Variants in MIA3 observed in about 807,000 individuals in gnomAD.
The protein encoded by MIA3 is transport and Golgi organization protein 1 homolog.
MIA3 carries 90 observed loss-of-function variants against 192.4 expected under a neutral mutation model. The observed-to-expected ratio is 0.47, with a 90% confidence interval of 0.39 to 0.56. The LOEUF (loss-of-function observed/expected upper bound fraction) is 0.56. Among genes scored for constraint, MIA3 ranks in the 20% least tolerant of loss-of-function variants. The probability of loss-of-function intolerance (pLI) is 0.00; values close to 1 mark genes in which losing one functional copy is unlikely to be tolerated. For synonymous variants in MIA3, 740 were observed against 792.8 expected, an observed-to-expected ratio of 0.93 and a Z score of 1.12; for missense variants, 2,123 against 2,269.4, an observed-to-expected ratio of 0.94 and a Z score of 1.31.
Position 222,658,978 on chromosome 1 carries a change from T to C in MIA3, c.4709+155T>C, listed in dbSNP as rs1663872427. ...TTTTAAGTTAACAAATGGAAAAATA[T>C]TAACAAATACCCAGTGCTGGCAAAA... is the stretch of plus-strand genomic sequence containing the variant. On this transcript the variant is annotated intron_variant, in intron 19 of 27. Transcript: ENST00000344922. 5.8e-5 allele frequency: 33 copies of C among 566,590 alleles called. 1 individual carries two copies. In the South Asian group the frequency reaches 7.1e-4, roughly 12 times the overall value. The allele number at this position is 566,590 out of a possible 1,614,324, so 35.1% of individuals were successfully genotyped here. A position where few individuals can be genotyped will look rare whatever the true frequency, so the allele number is the denominator to read the frequency against.
chr1:222,657,188 T>C (rs1663777641), intron 18 of MIA3, among the ~76,000 whole-genome samples: 1 of 152,248 alleles, frequency 6.6e-6, no homozygotes, highest in African/African-American at 2.4e-5. Flanking sequence ...TTATTCCAGT[T>C]AGCAATTAAA....
At chr1:222,630,663 G>C (rs536486666) in intron 4 of MIA3, among the ~76,000 whole-genome samples, 34 of 152,294 alleles carry the variant, frequency 2.2e-4, no homozygotes, top group Non-Finnish European at 3.5e-4. Flanking sequence ...AAACCAGAAA[G>C]TAATATACAA....
At chr1:222,622,684 G>T (rs1422472293) in intron 2 of MIA3, among the ~76,000 whole-genome samples, 1 of 152,146 alleles carries the variant, frequency 6.6e-6, no homozygotes, top group Admixed American at 6.5e-5. Context: ...TTTACTCTTG[G>T]AAATGTTTTT....
rs73124836 is a variant in MIA3 at position 222,646,849 on chromosome 1, A to G, written c.3609+1164A>G. Among the ~76,000 whole-genome samples the G allele has an allele frequency of 4.7e-3, 717 of 152,356 alleles. 4 individuals are homozygous for G. The highest frequency in any genetic ancestry group is 0.016 in the African/African-American group (680 of 41,576). The stretch of plus-strand genomic sequence containing the variant: ...AGTGGGAAAATTGTTAAATTATTGT[A>G]TGTTCATATAATGGGATATTAGGCT... On this transcript the variant is annotated intron_variant, in intron 7 of 27. Coordinates refer to ENST00000344922, the MANE Select transcript of MIA3 (RefSeq NM_198551.4).
intron 6 of MIA3, among the ~76,000 whole-genome samples, chr1:222,633,765 AAAT>A (rs1662508623): frequency 6.6e-6 from 1 of 152,074 alleles, no homozygotes; most frequent in African/African-American, 2.4e-5. Context: ...CAGGCAGAAG[AAAT>A]AACACATTCA....
intron 6 of MIA3, among the ~76,000 whole-genome samples, chr1:222,639,036 G>C (rs1662747052): frequency 6.6e-6 from 1 of 152,156 alleles, no homozygotes; most frequent in Non-Finnish European, 1.5e-5. Context: ...GGAAAGAAGA[G>C]AGGGAATACA....
chr1:222,665,471 G>A lies in MIA3; in HGVS notation c.5576G>A (p.Arg1859Gln), dbSNP rs201316441. The A allele has an allele frequency of 3.7e-6, 6 of 1,613,728 alleles. No homozygotes were observed. The African/African-American group carries it at 4.0e-5, about 11-fold the overall frequency. Reference sequence around the variant, plus strand: ...AGAGAGTACTTTATTCCTGGTACCCGATTACCACCCCCAACCCATGGTCCC... The same window carrying A: ...AGAGAGTACTTTATTCCTGGTACCCAATTACCACCCCCAACCCATGGTCCC... ...GPREYFIPGT[R>Q]LPPPTHGPQE... The change falls in exon 28 of 28, where the codon CGA becomes CAA. Residue 1859 changes from arginine to glutamine, a missense_variant. Arg to Gln is a conservative substitution (Grantham distance 43, BLOSUM62 1). This residue lies in a region of MIA3 where 762 missense variants were observed against 856.4 expected (regional missense o/e 0.89). Transcript: ENST00000344922.
At chr1:222,664,358 C>G (rs949492625) in intron 27 of MIA3, among the ~76,000 whole-genome samples, 1 of 152,162 alleles carries the variant, frequency 6.6e-6, no homozygotes, top group African/African-American at 2.4e-5. Flanking sequence ...TCTAATAGAA[C>G]AAGGAAAGGG....
chr1:222,662,022 A>G (rs1376704650), intron 24 of MIA3, 34 bp from the exon 25 acceptor site: 7 of 1,563,000 alleles, frequency 4.5e-6, no homozygotes, highest in Non-Finnish European at 5.3e-6. Flanking sequence ...CTTCCAAAAA[A>G]TACATATAAG....
chr1:222,645,423 C>T (rs1663092454), intron 6 of MIA3, 131 bp from the exon 7 acceptor site: 1 of 711,232 alleles, frequency 1.4e-6, no homozygotes, highest in African/African-American at 1.8e-5. Context: ...GTGAGAGCTA[C>T]TGAAGATTTT....
intron 6 of MIA3, among the ~76,000 whole-genome samples, chr1:222,634,927 T>G (rs1013023582): frequency 6.6e-6 from 1 of 152,222 alleles, no homozygotes; most frequent in African/African-American, 2.4e-5. Flanking sequence ...CTCCAATTGT[T>G]GGTAAGAATT....
At chr1:222,655,781 C>A (rs1224630381) in intron 18 of MIA3, among the ~76,000 whole-genome samples, 1 of 152,070 alleles carries the variant, frequency 6.6e-6, no homozygotes, top group East Asian at 1.9e-4. Flanking sequence ...AACTGTTTTT[C>A]TTCGTGATAC....
chr1:222,647,932 T>C (rs1278942894), intron 7 of MIA3: 1 of 385,804 alleles, frequency 2.6e-6, no homozygotes, highest in Non-Finnish European at 5.4e-6. Context: ...TTAATTATTG[T>C]ATACAGTAAT....
intron 26 of MIA3, among the ~76,000 whole-genome samples, chr1:222,663,485 T>C (rs1664127686): frequency 6.6e-6 from 1 of 152,222 alleles, no homozygotes. Flanking sequence ...CCTGTGTTCC[T>C]GCATATTTAG....
chr1:222,631,152 C>T (rs1285645310), intron 4 of MIA3, among the ~76,000 whole-genome samples: 1 of 150,004 alleles, frequency 6.7e-6, no homozygotes, highest in Non-Finnish European at 1.5e-5. Flanking sequence ...GACAGGCTCT[C>T]ACCCTGTCAC....
At chr1:222,639,369 C>G (rs906598378) in intron 6 of MIA3, among the ~76,000 whole-genome samples, 1 of 152,106 alleles carries the variant, frequency 6.6e-6, no homozygotes, top group Admixed American at 6.5e-5. Flanking sequence ...GAAAATACTT[C>G]CCAGCTCATT....
chr1:222,652,073 G>A (rs34851033), intron 12 of MIA3, 25 bp downstream of exon 12: 55,104 of 1,393,888 alleles, frequency 0.04, 1,607 homozygotes, highest in East Asian at 0.12. Context: ...AATTCCTGCA[G>A]GATATTAATA....
intron 2 of MIA3, among the ~76,000 whole-genome samples, chr1:222,621,568 G>A (rs1661858990): frequency 6.6e-6 from 1 of 152,164 alleles, no homozygotes; most frequent in Non-Finnish European, 1.5e-5. Flanking sequence ...GAAATGGTAA[G>A]AGCTGAAAAA....
Position 222,627,866 on chromosome 1 carries a change from C to A in MIA3, c.646C>A (p.Gln216Lys). 1 of 1,613,998 alleles carries A rather than the reference C, an allele frequency of 6.2e-7. No homozygotes were observed. The highest frequency in any genetic ancestry group is 1.3e-5 in the African/African-American group (1 of 75,038). The change falls in exon 4 of 28, where the codon CAA becomes AAA. Residue 216 changes from glutamine to lysine, a missense_variant. By Grantham distance (53) the Gln-to-Lys change is moderately conservative. Around this residue, in one of 3 missense-constraint regions of MIA3, gnomAD observed 1,357 missense variants for 1,396.1 expected, o/e 0.97. Transcript: ENST00000344922. ...GAAGCACCACTCCCATGCAAACAGC[C>A]AAGCAAATCATGCTCAGGGAGAGCA... ...TQKHHSHANS[Q>K]ANHAQGEQAS... is the part of the protein sequence containing the mutation.
Sources: allele counts gnomAD v4.1 joint callset (sites outside exome capture counted in the v4.1 genomes callset), GRCh38; gene constraint gnomAD v4.1.1; regional missense constraint gnomAD v4.1.1; transcripts MANE v1.5; gene names NCBI Gene and HGNC (gene_info 2026-07-23, HGNC 2026-07-21).